The following ELAVL2 variants were observed in gnomAD, a reference collection of about 807,000 sequenced individuals.
ELAVL2 encodes the protein ELAV-like protein 2.
In ELAVL2, 4 loss-of-function variants were observed where a neutral mutation model predicts 34.6. The observed-to-expected ratio is 0.12, with a 90% confidence interval of 0.06 to 0.26. ELAVL2 has a LOEUF of 0.26. ELAVL2 is among the 10% of genes least tolerant of loss of function. ELAVL2 has a pLI of 1.00. For missense variants in ELAVL2, 432 were observed against 442.8 expected, an observed-to-expected ratio of 0.98 and a Z score of 0.22; for synonymous variants, 193 against 154.8, an observed-to-expected ratio of 1.25 and a Z score of -1.83.
chr9:23,699,034 T>C (rs1360734709), intron 5 of ELAVL2, among the ~76,000 whole-genome samples: 1 of 152,178 alleles, frequency 6.6e-6, no homozygotes, highest in Admixed American at 6.5e-5. Context: ...CAACTGACAA[T>C]CTCTTATTCT....
At position 23,716,821 on chromosome 9, in the gene ELAVL2, A is replaced by G. The variant is rs138439568; in HGVS notation, c.334-11750T>C. Among the ~76,000 whole-genome samples, 157 of 152,282 alleles carry G rather than the reference A, an allele frequency of 1.0e-3. No individual in the cohort carries two copies. The Middle Eastern group carries it at 0.014, about 13-fold the overall frequency. ...CAGAGAATAATCCAAGGCAATGGAGAATTAGGCTTCCATACTGAATGATGA... is the reference window on the plus strand; with the variant it reads ...CAGAGAATAATCCAAGGCAATGGAGGATTAGGCTTCCATACTGAATGATGA... On this transcript the variant is annotated intron_variant, in intron 3 of 6. Transcript: ENST00000397312.
chr9:23,847,717 A>C, the ELAVL2 span, among the ~76,000 whole-genome samples: 1 of 152,166 alleles, frequency 6.6e-6, no homozygotes, highest in South Asian at 2.1e-4. Flanking sequence ...AATATTTAGC[A>C]AACCTAAAAT....
At chr9:23,797,704 G>T (rs1013425148) in intron 1 of ELAVL2, among the ~76,000 whole-genome samples, 1 of 152,142 alleles carries the variant, frequency 6.6e-6, no homozygotes, top group Non-Finnish European at 1.5e-5. Flanking sequence ...GAGGCAGGTG[G>T]ATCATCTGAG....
At chr9:23,750,518 T>C (rs1026224100) in intron 2 of ELAVL2, among the ~76,000 whole-genome samples, 20 of 152,096 alleles carry the variant, frequency 1.3e-4, no homozygotes, top group Non-Finnish European at 2.8e-4. Flanking sequence ...CTTGAGAAGG[T>C]AGTACACTGT....
At chr9:23,780,267 TAAGA>T (rs2058879721) in intron 1 of ELAVL2, among the ~76,000 whole-genome samples, 2 of 151,966 alleles carry the variant, frequency 1.3e-5, no homozygotes, top group South Asian at 4.1e-4. Flanking sequence ...GATTCAAAAA[TAAGA>T]AAGCAGTCTA....
At position 23,713,534 on chromosome 9, in the gene ELAVL2, G is replaced by C. The variant is rs538302013; in HGVS notation, c.334-8463C>G. Among the ~76,000 whole-genome samples, 4 of 152,220 alleles carry C rather than the reference G, an allele frequency of 2.6e-5. No homozygotes were observed. The South Asian group carries it at 8.3e-4, about 32-fold the overall frequency. On this transcript the variant is annotated intron_variant, in intron 3 of 6. Coordinates refer to ENST00000397312, the MANE Select transcript of ELAVL2 (RefSeq NM_004432.5). ...GTATAAAAAATAGATGGGAGTTTTA[G>C]CGTAACCACCAAAGAGTCTATTCCT...
chr9:23,822,682 G>A (rs1326565510), intron 1 of ELAVL2, among the ~76,000 whole-genome samples: 2 of 152,242 alleles, frequency 1.3e-5, no homozygotes, highest in Admixed American at 1.3e-4. Flanking sequence ...AGCACCTGTA[G>A]TTGGGATTTT....
intron 1 of ELAVL2, among the ~76,000 whole-genome samples, chr9:23,770,684 GA>G (rs1327489734): frequency 2.0e-5 from 3 of 152,182 alleles, no homozygotes; most frequent in African/African-American, 7.2e-5. Flanking sequence ...CTCTCATAAA[GA>G]CTCTGGGAGG....
At chr9:23,763,731 G>T (rs766813730) in intron 1 of ELAVL2, among the ~76,000 whole-genome samples, 13 of 152,076 alleles carry the variant, frequency 8.5e-5, no homozygotes, top group Non-Finnish European at 1.6e-4. Flanking sequence ...TGGACATATT[G>T]AGACTGGTCA....
At chr9:23,773,988 G>A (rs927519110) in intron 1 of ELAVL2, among the ~76,000 whole-genome samples, 40 of 151,940 alleles carry the variant, frequency 2.6e-4, no homozygotes, top group Admixed American at 2.6e-3. Context: ...GAGGCGGGCA[G>A]ATCACGAGGT....
intron 1 of ELAVL2, among the ~76,000 whole-genome samples, chr9:23,772,461 T>C (rs2057462746): frequency 6.6e-6 from 1 of 151,036 alleles, no homozygotes; most frequent in Non-Finnish European, 1.5e-5. Context: ...ACATTTTATT[T>C]TTCACTGTTA....
At chr9:23,839,772 C>T in the ELAVL2 span, among the ~76,000 whole-genome samples, 1 of 152,130 alleles carries the variant, frequency 6.6e-6, no homozygotes, top group East Asian at 1.9e-4. Flanking sequence ...AGAAAGTCAT[C>T]TGTGACCTTT....
intron 3 of ELAVL2, among the ~76,000 whole-genome samples, chr9:23,719,706 A>G (rs928395029): frequency 2.6e-5 from 4 of 152,150 alleles, no homozygotes; most frequent in African/African-American, 9.7e-5. Flanking sequence ...GCAAATTCCC[A>G]TTTATTGAGG....
intron 2 of ELAVL2, among the ~76,000 whole-genome samples, chr9:23,734,514 G>T (rs1284284809): frequency 6.6e-6 from 1 of 152,122 alleles, no homozygotes; most frequent in East Asian, 1.9e-4. Context: ...CAATTAACTA[G>T]TTTATACCTG....
chr9:23,752,282 A>T (rs1300607485), intron 2 of ELAVL2, among the ~76,000 whole-genome samples: 2 of 152,060 alleles, frequency 1.3e-5, no homozygotes, highest in African/African-American at 2.4e-5. Context: ...TGGAATTGGA[A>T]CCCAAGTGTA....
At position 23,800,940 on chromosome 9, in the gene ELAVL2, G is replaced by C. The variant is rs2061497669; in HGVS notation, c.-16+24866C>G. On this transcript the variant is annotated intron_variant, in intron 1 of 6. Coordinates refer to ENST00000397312, the MANE Select transcript of ELAVL2 (RefSeq NM_004432.5). ...ACATTTCCTTCCTGCTTGTTGGAAA[G>C]CAAGGCACCTTATTTGAGGGCTTTC... Among the ~76,000 whole-genome samples, 3 of 152,124 alleles carry C rather than the reference G, an allele frequency of 2.0e-5. No individual in the cohort carries two copies. The South Asian group carries it at 6.2e-4, about 32-fold the overall frequency.
intron 5 of ELAVL2, among the ~76,000 whole-genome samples, chr9:23,699,495 A>T (rs1050466808): frequency 3.3e-5 from 5 of 152,314 alleles, no homozygotes; most frequent in African/African-American, 1.2e-4. Flanking sequence ...CAACCAATAC[A>T]TTATGAAGAA....
At chr9:23,850,065 A>G in the ELAVL2 span, among the ~76,000 whole-genome samples, 1 of 151,030 alleles carries the variant, frequency 6.6e-6, no homozygotes, top group Non-Finnish European at 1.5e-5. Context: ...TAAATATACA[A>G]TCAAACCCCA....
At chr9:23,710,397 G>T (rs755088173) in intron 3 of ELAVL2, among the ~76,000 whole-genome samples, 1 of 152,142 alleles carries the variant, frequency 6.6e-6, no homozygotes, top group East Asian at 1.9e-4. Flanking sequence ...AAATGCTTTC[G>T]TCCAAACACA....
Sources: gnomAD v4.1 joint callset for allele counts (sites outside exome capture counted in the v4.1 genomes callset) on GRCh38, gnomAD v4.1.1 for gene constraint, MANE v1.5 for transcripts, NCBI Gene and HGNC (gene_info 2026-07-23, HGNC 2026-07-21) for gene names.